PTPRK: variants seen among roughly 807,000 people sequenced by gnomAD.
The protein encoded by PTPRK is protein tyrosine phosphatase receptor type K, also known as receptor-type tyrosine-protein phosphatase kappa.
In PTPRK, 75 loss-of-function variants were observed where a neutral mutation model predicts 178.0. The ratio of observed to expected loss-of-function variants is 0.42; its 90% CI spans 0.35 to 0.51. The LOEUF (loss-of-function observed/expected upper bound fraction) is 0.51. Ranked by LOEUF, PTPRK falls within the 20% of genes least tolerant of loss-of-function variation. The pLI is 0.02. For missense variants in PTPRK, 1,441 were observed against 1,797.8 expected, an observed-to-expected ratio of 0.80 and a Z score of 3.59; for synonymous variants, 637 against 620.6, an observed-to-expected ratio of 1.03 and a Z score of -0.39.
chr6:128,275,918 G>C (rs1820649907), intron 3 of PTPRK, among the ~76,000 whole-genome samples: 1 of 151,702 alleles, frequency 6.6e-6, no homozygotes, highest in Non-Finnish European at 1.5e-5. Context: ...TTTGCCTTTT[G>C]TTTTTTGGCA....
chr6:128,031,220 C>T (rs1158688550), intron 13 of PTPRK, among the ~76,000 whole-genome samples: 1 of 152,174 alleles, frequency 6.6e-6, no homozygotes, highest in Non-Finnish European at 1.5e-5. Flanking sequence ...CATTCAAGTG[C>T]ATTTATAGTT....
At chr6:128,237,098 G>A (rs1212888515) in intron 5 of PTPRK, among the ~76,000 whole-genome samples, 2 of 152,162 alleles carry the variant, frequency 1.3e-5, no homozygotes, top group Non-Finnish European at 2.9e-5. Context: ...TATCAAATAT[G>A]ATCAAGCATT....
At chr6:128,464,674 T>TATATATATATATATATATAC (rs1407701569) in intron 1 of PTPRK, among the ~76,000 whole-genome samples, 1 of 124,768 alleles carries the variant, frequency 8.0e-6, no homozygotes, top group African/African-American at 3.1e-5. Context: ...TATATATATA[T>TATATATATATATATATATAC]ACAACAGATG....
chr6:128,219,231 G>A (rs1264523121), intron 5 of PTPRK, 135 bp from the exon 6 acceptor site: 1 of 813,446 alleles, frequency 1.2e-6, no homozygotes, highest in African/African-American at 1.8e-5. Context: ...TGTCAATCAG[G>A]AAAAGAATGT....
intron 13 of PTPRK, among the ~76,000 whole-genome samples, chr6:128,055,970 CT>C (rs113017177): frequency 6.8e-6 from 1 of 147,956 alleles, no homozygotes; most frequent in Non-Finnish European, 1.5e-5. Context: ...AACATAAGCG[CT>C]TTTTTTTCTT....
intron 1 of PTPRK, among the ~76,000 whole-genome samples, chr6:128,413,738 G>C (rs571508101): frequency 5.3e-5 from 8 of 152,168 alleles, no homozygotes; most frequent in Admixed American, 5.2e-4. Flanking sequence ...CCACAATCTA[G>C]GTCAGTTTAG....
chr6:128,085,614 T>C (rs546111619), intron 8 of PTPRK, among the ~76,000 whole-genome samples: 69 of 152,312 alleles, frequency 4.5e-4, no homozygotes, highest in African/African-American at 1.6e-3. Flanking sequence ...TTATCGAACA[T>C]CGTTCAATAA....
At chr6:128,382,354 T>C (rs952100040) in intron 2 of PTPRK, among the ~76,000 whole-genome samples, 1 of 151,410 alleles carries the variant, frequency 6.6e-6, no homozygotes, top group Non-Finnish European at 1.5e-5. Flanking sequence ...ATGTGTCCAT[T>C]TAAAAATGGA....
At position 128,139,103 on chromosome 6, in the gene PTPRK, G is replaced by C. The variant is rs577960479; in HGVS notation, c.1162+45329C>G. ...TCAGAGGACAGCGAGGAATGAAAGAGAATATGTCTAGCAGGAGTTTATGAT... is the reference window on the plus strand; with the variant it reads ...TCAGAGGACAGCGAGGAATGAAAGACAATATGTCTAGCAGGAGTTTATGAT... On this transcript the variant is annotated intron_variant, in intron 7 of 29. Coordinates refer to ENST00000368226, the MANE Select transcript of PTPRK (RefSeq NM_002844.4). Among the ~76,000 whole-genome samples the C allele has an allele frequency of 9.9e-5, 15 of 152,156 alleles. 1 individual carries two copies. In the South Asian group the frequency reaches 3.1e-3, roughly 32 times the overall value.
intron 7 of PTPRK, among the ~76,000 whole-genome samples, chr6:128,120,756 G>A (rs560948539): frequency 1.4e-4 from 22 of 151,804 alleles, no homozygotes; most frequent in Non-Finnish European, 2.8e-4. Flanking sequence ...ATTTTTTTAA[G>A]GAAGTATTTC....
chr6:128,110,656 T>A (rs770677478), intron 7 of PTPRK, among the ~76,000 whole-genome samples: 1 of 152,128 alleles, frequency 6.6e-6, no homozygotes, highest in Non-Finnish European at 1.5e-5. Context: ...TTTCATTCAT[T>A]TGAGAAGAGC....
intron 6 of PTPRK, among the ~76,000 whole-genome samples, chr6:128,208,563 T>G (rs1807419801): frequency 1.3e-5 from 2 of 152,286 alleles, no homozygotes; most frequent in Admixed American, 1.3e-4. Flanking sequence ...ACATGTGTTT[T>G]TATATGCAGA....
chr6:128,202,101 G>A (rs1048934995), intron 6 of PTPRK, among the ~76,000 whole-genome samples: 2 of 152,160 alleles, frequency 1.3e-5, no homozygotes, highest in African/African-American at 2.4e-5. Flanking sequence ...GGAGAGGAAC[G>A]AAGGCAGAGA....
At chr6:128,345,033 ATTTTTT>A (rs66515832) in intron 2 of PTPRK, among the ~76,000 whole-genome samples, 3 of 144,842 alleles carry the variant, frequency 2.1e-5, no homozygotes, top group Non-Finnish European at 3.0e-5. Context: ...AAGCCAGGTG[ATTTTTT>A]TTTTTTTTTT....
intron 13 of PTPRK, chr6:128,062,309 T>C (rs897201228): frequency 6.0e-6 from 1 of 166,868 alleles, no homozygotes; most frequent in Non-Finnish European, 1.5e-5. Flanking sequence ...ATTCCTAGGC[T>C]GAAGCAATCT....
intron 11 of PTPRK, among the ~76,000 whole-genome samples, chr6:128,070,699 C>A (rs1782665350): frequency 1.3e-5 from 2 of 151,886 alleles, no homozygotes; most frequent in African/African-American, 4.8e-5. Flanking sequence ...GAAATGTCTT[C>A]ATGATATAAC....
rs868333600 is a variant in PTPRK at position 128,397,506 on chromosome 6, G to T, written c.223+60C>A. On this transcript the variant is annotated intron_variant, in intron 2 of 29. Coordinates refer to ENST00000368226, the MANE Select transcript of PTPRK (RefSeq NM_002844.4). ...ATTATTGTTGTTACACTTTAAATAA[G>T]AAAATCATAGATACTGCAAAACTAT... 2.5e-5 allele frequency: 39 copies of T among 1,575,950 alleles called. No individual in the cohort carries two copies. In the South Asian group the frequency reaches 4.2e-4, roughly 17 times the overall value.
intron 13 of PTPRK, among the ~76,000 whole-genome samples, chr6:128,023,391 T>C (rs1773817006): frequency 1.3e-5 from 2 of 152,174 alleles, no homozygotes; most frequent in South Asian, 2.1e-4. Flanking sequence ...CAAACCTCTC[T>C]GGATGCTAGA....
intron 1 of PTPRK, among the ~76,000 whole-genome samples, chr6:128,503,630 T>C (rs1266904610): frequency 2.0e-5 from 3 of 152,154 alleles, no homozygotes; most frequent in African/African-American, 7.2e-5. Flanking sequence ...AACTCTGTCA[T>C]ACATATTTTG....
Sources: gnomAD v4.1 joint callset for allele counts (sites outside exome capture counted in the v4.1 genomes callset) on GRCh38, gnomAD v4.1.1 for gene constraint, MANE v1.5 for transcripts, NCBI Gene and HGNC (gene_info 2026-07-23, HGNC 2026-07-21) for gene names.